GCNT2: variants seen among roughly 807,000 people sequenced by gnomAD.
GCNT2 encodes glucosaminyl (N-acetyl) transferase 2 (I blood group), also known as N-acetyllactosaminide beta-1,6-N-acetylglucosaminyl-transferase.
GCNT2 carries 34 observed loss-of-function variants against 34.2 expected under a neutral mutation model. The ratio of observed to expected loss-of-function variants is 1.00; its 90% CI spans 0.76 to 1.32. The LOEUF (loss-of-function observed/expected upper bound fraction) is 1.32. Ranked by LOEUF, GCNT2 falls within the 40% of genes most tolerant of loss-of-function variation. The probability of loss-of-function intolerance (pLI) is 0.00; values close to 1 mark genes in which losing one functional copy is unlikely to be tolerated. For synonymous variants in GCNT2, 212 were observed against 188.0 expected, an observed-to-expected ratio of 1.13 and a Z score of -1.04; for missense variants, 584 against 489.4, an observed-to-expected ratio of 1.19 and a Z score of -1.82.
At chr6:10,624,489 C>T (rs1474521022) in intron 4 of GCNT2, among the ~76,000 whole-genome samples, 4 of 152,150 alleles carry the variant, frequency 2.6e-5, no homozygotes, top group African/African-American at 9.7e-5. Context: ...CCCCACGATT[C>T]AACTATCTCC....
At chr6:10,595,783 A>T (rs1454835592) in intron 3 of GCNT2, among the ~76,000 whole-genome samples, 4 of 152,218 alleles carry the variant, frequency 2.6e-5, no homozygotes, top group Non-Finnish European at 4.4e-5. Context: ...GTTAAAACAA[A>T]TTTTGCCCAT....
chr6:10,583,809 T>C (rs965768180), intron 3 of GCNT2, among the ~76,000 whole-genome samples: 2 of 152,160 alleles, frequency 1.3e-5, no homozygotes, highest in East Asian at 1.9e-4. Flanking sequence ...ACTCCACATA[T>C]TGTAGATAAT....
At chr6:10,625,852 A>T (rs930957274) in intron 4 of GCNT2, among the ~76,000 whole-genome samples, 8 of 152,264 alleles carry the variant, frequency 5.3e-5, no homozygotes. Context: ...TGAAGTAGGC[A>T]TAGTAAGAGG....
chr6:10,594,767 A>G (rs1764781859), intron 3 of GCNT2, among the ~76,000 whole-genome samples: 2 of 152,214 alleles, frequency 1.3e-5, no homozygotes, highest in South Asian at 2.1e-4. Context: ...CTCACCAACC[A>G]TATAAAACTA....
chr6:10,579,586 C>T (rs965229780), intron 3 of GCNT2, among the ~76,000 whole-genome samples: 48 of 151,984 alleles, frequency 3.2e-4, no homozygotes, highest in Non-Finnish European at 4.9e-4. Flanking sequence ...GAGGCTGAGG[C>T]GGGTGGATCA....
intron 3 of GCNT2, among the ~76,000 whole-genome samples, chr6:10,604,599 G>A (rs958397207): frequency 6.6e-6 from 1 of 152,110 alleles, no homozygotes; most frequent in African/African-American, 2.4e-5. Context: ...GCTGGCTCAC[G>A]CTTGTAATTC....
intron 3 of GCNT2, among the ~76,000 whole-genome samples, chr6:10,536,723 A>T (rs561837159): frequency 8.6e-4 from 92 of 106,766 alleles, no homozygotes; most frequent in Non-Finnish European, 1.4e-3. Context: ...TTTTTTTTTG[A>T]GATGGAGTCT....
intron 4 of GCNT2, among the ~76,000 whole-genome samples, chr6:10,622,602 CAATT>C (rs1766081958): frequency 6.6e-6 from 1 of 152,014 alleles, no homozygotes; most frequent in African/African-American, 2.4e-5. Flanking sequence ...GAGAGACAAA[CAATT>C]CAGTCCATAA....
intron 3 of GCNT2, among the ~76,000 whole-genome samples, chr6:10,592,389 C>T (rs1331810016): frequency 6.6e-6 from 1 of 152,170 alleles, no homozygotes; most frequent in Non-Finnish European, 1.5e-5. Context: ...GCTCTAGGCT[C>T]TTCCCAGGTC....
intron 3 of GCNT2, among the ~76,000 whole-genome samples, chr6:10,614,083 T>A (rs975295767): frequency 4.6e-5 from 7 of 152,162 alleles, no homozygotes; most frequent in African/African-American, 1.2e-4. Flanking sequence ...CCAAATTAAA[T>A]TACTTACTGA....
chr6:10,575,994 TAAAC>T (rs1437474488), intron 3 of GCNT2, among the ~76,000 whole-genome samples: 2 of 152,164 alleles, frequency 1.3e-5, no homozygotes, highest in Admixed American at 1.3e-4. Flanking sequence ...CCAGGTGAAA[TAAAC>T]AGCCATGTTG....
In GCNT2 at chr6:10,557,488, A is replaced by ATTTTTTTTTT. The variant is rs1561797769; in HGVS notation, c.925+27653_925+27654insTTTTTTTTTT. On this transcript the variant is annotated intron_variant, in intron 3 of 4. Coordinates refer to ENST00000495262, the MANE Select transcript of GCNT2 (RefSeq NM_145649.5). ...CCTAGTCCTTTCTAAATGCAGAAAG[A>ATTTTTTTTTT]TGTTCTTTTTTTTTTTTGAGACTGG... is the stretch of plus-strand genomic sequence containing the variant. The ATTTTTTTTTT allele has an allele frequency of 2.4e-4, 161 of 674,762 alleles. 2 individuals are homozygous for ATTTTTTTTTT. The South Asian group carries it at 2.8e-3, about 12-fold the overall frequency. 41.8% of individuals were successfully genotyped at this position (674,762 alleles called of 1,614,324 possible).
At chr6:10,603,755 TC>T (rs1294682806) in intron 3 of GCNT2, among the ~76,000 whole-genome samples, 1 of 151,306 alleles carries the variant, frequency 6.6e-6, no homozygotes, top group East Asian at 1.9e-4. Context: ...TGTCAAGTGA[TC>T]CACCTGCCTC....
intron 3 of GCNT2, among the ~76,000 whole-genome samples, chr6:10,543,918 G>A (rs1398550057): frequency 6.6e-6 from 1 of 151,962 alleles, no homozygotes; most frequent in African/African-American, 2.4e-5. Context: ...AGATGAAATT[G>A]TCTGACATTG....
At chr6:10,593,719 A>G (rs1714612904) in intron 3 of GCNT2, among the ~76,000 whole-genome samples, 1 of 152,232 alleles carries the variant, frequency 6.6e-6, no homozygotes, top group South Asian at 2.1e-4. Context: ...AAAGCTATAT[A>G]TAATTGATAT....
At chr6:10,618,443 GAGTC>G (rs1161573988) in intron 3 of GCNT2, among the ~76,000 whole-genome samples, 1 of 152,210 alleles carries the variant, frequency 6.6e-6, no homozygotes, top group African/African-American at 2.4e-5. Flanking sequence ...TTCTGAGTAA[GAGTC>G]AGTTTGGGAT....
intron 3 of GCNT2, among the ~76,000 whole-genome samples, chr6:10,555,399 G>A (rs1334796769): frequency 6.6e-6 from 1 of 152,048 alleles, no homozygotes; most frequent in African/African-American, 2.4e-5. Flanking sequence ...TTCCTAGGTG[G>A]TCCATAAGCT....
chr6:10,540,666 G>A (rs746091209), intron 3 of GCNT2, among the ~76,000 whole-genome samples: 9 of 152,202 alleles, frequency 5.9e-5, no homozygotes, highest in African/African-American at 1.4e-4. Context: ...CATGAGGAAC[G>A]GAGAAATGGA....
chr6:10,550,054 AT>A (rs1274657862), intron 3 of GCNT2, among the ~76,000 whole-genome samples: 3 of 151,510 alleles, frequency 2.0e-5, no homozygotes, highest in Admixed American at 1.3e-4. Flanking sequence ...GTTTACCCCA[AT>A]TTTTTCTGTT....
Sources: gnomAD v4.1 joint callset for allele counts (sites outside exome capture counted in the v4.1 genomes callset) on GRCh38, gnomAD v4.1.1 for gene constraint, MANE v1.5 for transcripts, NCBI Gene and HGNC (gene_info 2026-07-23, HGNC 2026-07-21) for gene names.